Variants in DHRSX observed in about 807,000 individuals in gnomAD.
DHRSX encodes the protein dehydrogenase/reductase X-linked, also known as polyprenol dehydrogenase.
Under a neutral mutation model 34.0 loss-of-function variants are expected in DHRSX, and 31 were observed. The observed-to-expected ratio is 0.91, with a 90% CI of 0.69 to 1.23. The LOEUF is 1.23. Among genes scored for constraint, DHRSX ranks in the 50% most tolerant of loss-of-function variants. The pLI is 0.00. For synonymous variants in DHRSX, 201 were observed against 183.8 expected (o/e 1.09, Z -0.76); for missense variants, 414 against 428.1 (o/e 0.97, Z 0.29).
chrX:2,224,915 A>G (rs1008318194), intron 6 of DHRSX, among the ~76,000 whole-genome samples: 1 of 150,704 alleles, frequency 6.6e-6, no homozygotes, highest in African/African-American at 2.4e-5. Context: ...ACACACGTAC[A>G]CACACATTCA....
intron 3 of DHRSX, among the ~76,000 whole-genome samples, chrX:2,344,170 A>G (rs2042673465): frequency 6.6e-6 from 1 of 152,226 alleles, no homozygotes; most frequent in African/African-American, 2.4e-5. Flanking sequence ...AAAGACAGAA[A>G]AGGTGAAAAC....
rs1556430342 is a variant in DHRSX at position 2,243,795 on chromosome X, T to TTTTTGTTTG, written c.597-566_597-565insCAAACAAAA. Among the ~76,000 whole-genome samples, 126 of 13,354 alleles carry TTTTTGTTTG rather than the reference T, an allele frequency of 9.4e-3. 3 individuals are homozygous for TTTTTGTTTG. Among genetic ancestry groups the TTTTTGTTTG allele is most frequent in the African/African-American group, 0.042 (121 of 2,904 alleles). The allele number at this position is 13,354 out of a possible 152,430, so 8.8% of individuals were successfully genotyped here. A position where few individuals can be genotyped will look rare whatever the true frequency, so the allele number is the denominator to read the frequency against. On this transcript the variant is annotated intron_variant, in intron 5 of 6. Transcript: ENST00000334651. ...GGAGCCACTATGCTCCCTGTTTTTT[T>TTTTTGTTTG]TTTTTTTTTTTTTTTTTTTTTTTTT...
chrX:2,222,516 T>C (rs1444665695), intron 6 of DHRSX, among the ~76,000 whole-genome samples: 2 of 152,222 alleles, frequency 1.3e-5, no homozygotes, highest in South Asian at 2.1e-4. Context: ...AGACCAGATA[T>C]TGCCTTTGTT....
At chrX:2,265,640 A>T (rs1402877126) in intron 5 of DHRSX, among the ~76,000 whole-genome samples, 267 of 92,592 alleles carry the variant, frequency 2.9e-3, no homozygotes, top group Admixed American at 4.8e-3. Context: ...GCACCAGTGT[A>T]CAGCAGACGC....
intron 3 of DHRSX, among the ~76,000 whole-genome samples, chrX:2,386,504 C>T (rs1340793170): frequency 2.0e-5 from 3 of 152,198 alleles, no homozygotes; most frequent in African/African-American, 4.8e-5. Context: ...CAGGCGTGAG[C>T]CACTGCACCC....
chrX:2,457,089 C>T (rs2044309293), intron 1 of DHRSX, among the ~76,000 whole-genome samples: 1 of 152,098 alleles, frequency 6.6e-6, no homozygotes, highest in African/African-American at 2.4e-5. Flanking sequence ...ATGATAGAGA[C>T]ACCCAATGAA....
intron 6 of DHRSX, among the ~76,000 whole-genome samples, chrX:2,227,688 G>T (rs1470843888): frequency 1.8e-5 from 1 of 55,790 alleles, no homozygotes; most frequent in Non-Finnish European, 3.2e-5. Context: ...GAAAAAAAAA[G>T]AAGAGAAACA....
chrX:2,262,102 C>T (rs2041371406), intron 5 of DHRSX, among the ~76,000 whole-genome samples: 1 of 152,190 alleles, frequency 6.6e-6, no homozygotes, highest in African/African-American at 2.4e-5. Context: ...AAGGCTGGCC[C>T]CCACACACCC....
At chrX:2,400,931 G>A (rs952389830) in intron 3 of DHRSX, among the ~76,000 whole-genome samples, 1 of 152,072 alleles carries the variant, frequency 6.6e-6, no homozygotes, top group Non-Finnish European at 1.5e-5. Context: ...TGCCTCCCAA[G>A]GCGGCGTGCA....
At chrX:2,418,343 A>G (rs2043722383) in intron 2 of DHRSX, among the ~76,000 whole-genome samples, 1 of 151,838 alleles carries the variant, frequency 6.6e-6, no homozygotes. Flanking sequence ...CATCATGACC[A>G]AACCAAACTG....
At chrX:2,348,924 C>T (rs751388277) in intron 3 of DHRSX, among the ~76,000 whole-genome samples, 69 of 152,142 alleles carry the variant, frequency 4.5e-4, no homozygotes, top group South Asian at 3.3e-3. Flanking sequence ...AAACTCCTGA[C>T]CTCAGGTGCT....
chrX:2,243,788 G>GTTTTTTTTTTTTTTT lies in DHRSX; in HGVS notation c.597-573_597-559dup, dbSNP rs778957532. 2.0e-3 allele frequency among the ~76,000 whole-genome samples: 50 copies of GTTTTTTTTTTTTTTT among 25,104 alleles called. 2 individuals are homozygous for GTTTTTTTTTTTTTTT. The highest frequency in any genetic ancestry group is 3.8e-3 in the Non-Finnish European group (36 of 9,356). 16.5% of individuals were successfully genotyped at this position (25,104 alleles called of 152,430 possible). ...ACAGGCAGGAGCCACTATGCTCCCT[G>GTTTTTTTTTTTTTTT]TTTTTTTTTTTTTTTTTTTTTTTTT... On this transcript the variant is annotated intron_variant, in intron 5 of 6. Coordinates refer to ENST00000334651, the MANE Select transcript of DHRSX (RefSeq NM_145177.3).
chrX:2,303,781 ATGGATGGATGGG>A (rs763869742), intron 3 of DHRSX, among the ~76,000 whole-genome samples: 1,816 of 50,788 alleles, frequency 0.036, 28 homozygotes, highest in Non-Finnish European at 0.056. Context: ...AAATGGATGG[ATGGATGGATGGG>A]TGGGTGGGTG....
At chrX:2,449,479 A>G (rs1351175884) in intron 1 of DHRSX, among the ~76,000 whole-genome samples, 1 of 151,976 alleles carries the variant, frequency 6.6e-6, no homozygotes, top group African/African-American at 2.4e-5. Flanking sequence ...TCATATTGAA[A>G]TTTCCTATCT....
chrX:2,264,858 A>AGCAGATGCAGGGAGCACT (rs2124459471), intron 5 of DHRSX, among the ~76,000 whole-genome samples: 1 of 151,520 alleles, frequency 6.6e-6, no homozygotes, highest in East Asian at 2.0e-4. Flanking sequence ...ACCCATGCCC[A>AGCAGATGCAGGGAGCACT]GCAGATGCAG....
intron 1 of DHRSX, among the ~76,000 whole-genome samples, chrX:2,448,688 A>G: frequency 6.6e-6 from 1 of 152,324 alleles, no homozygotes; most frequent in Non-Finnish European, 1.5e-5. Context: ...CCTCATATAT[A>G]TGTATACGAT....
At chrX:2,355,614 T>TA (rs961028844) in intron 3 of DHRSX, among the ~76,000 whole-genome samples, 1 of 139,614 alleles carries the variant, frequency 7.2e-6, no homozygotes, top group African/African-American at 2.6e-5. Flanking sequence ...TCATATCAGA[T>TA]AAAAAATAAT....
intron 1 of DHRSX, among the ~76,000 whole-genome samples, chrX:2,426,862 T>C (rs755349727): frequency 1.3e-5 from 2 of 151,804 alleles, no homozygotes; most frequent in East Asian, 3.9e-4. Flanking sequence ...CTTCCTTTCT[T>C]CCTCCTTCCT....
intron 1 of DHRSX, among the ~76,000 whole-genome samples, chrX:2,437,695 G>C (rs1603093378): frequency 6.7e-5 from 2 of 29,796 alleles, no homozygotes; most frequent in Admixed American, 6.6e-4. Flanking sequence ...GAGAGAGAGA[G>C]AGAGTGTGTG....
Sources: allele counts gnomAD v4.1 joint callset (sites outside exome capture counted in the v4.1 genomes callset), GRCh38; gene constraint gnomAD v4.1.1; transcripts MANE v1.5; gene names NCBI Gene and HGNC (gene_info 2026-07-23, HGNC 2026-07-21).